ABLIM1: variants seen among roughly 807,000 people sequenced by gnomAD.
ABLIM1 encodes the protein actin-binding LIM protein 1.
In ABLIM1, 40 loss-of-function variants were observed where a neutral mutation model predicts 107.0. The observed-to-expected ratio is 0.37, with a 90% CI of 0.29 to 0.49. The LOEUF is 0.49. Ranked by LOEUF, ABLIM1 falls within the 20% of genes least tolerant of loss-of-function variation. The pLI is 0.97. For synonymous variants in ABLIM1, 357 were observed against 357.3 expected (o/e 1.00, Z 0.01); for missense variants, 857 against 1,008.5 (o/e 0.85, Z 2.04).
intron 1 of ABLIM1, among the ~76,000 whole-genome samples, chr10:114,757,985 T>C (rs1198907763): frequency 1.3e-5 from 2 of 151,968 alleles, no homozygotes; most frequent in Non-Finnish European, 2.9e-5. Flanking sequence ...TTGGAATTGC[T>C]CATCTCACTG....
intron 1 of ABLIM1, among the ~76,000 whole-genome samples, chr10:114,606,857 C>T (rs1591551414): frequency 6.6e-6 from 1 of 152,194 alleles, no homozygotes; most frequent in African/African-American, 2.4e-5. Context: ...TGGCAGTCAC[C>T]TAGTGCAGTG....
At chr10:114,699,160 A>AT (rs1179878173) in intron 1 of ABLIM1, among the ~76,000 whole-genome samples, 1 of 151,624 alleles carries the variant, frequency 6.6e-6, no homozygotes, top group Non-Finnish European at 1.5e-5. Flanking sequence ...AAAAATCTGT[A>AT]TAAAAAACCA....
At chr10:114,466,638 A>C (rs1336731912) in intron 11 of ABLIM1, among the ~76,000 whole-genome samples, 1 of 152,188 alleles carries the variant, frequency 6.6e-6, no homozygotes, top group African/African-American at 2.4e-5. Context: ...TGTACTGTCT[A>C]CGACATTGAT....
Position 114,487,952 on chromosome 10 carries a change from C to A in ABLIM1, c.1041+6G>T, listed in dbSNP as rs1297936878. 4 of 1,614,096 alleles carry A rather than the reference C, an allele frequency of 2.5e-6. No individual in the cohort carries two copies. The highest frequency in any genetic ancestry group is 3.4e-6 in the Non-Finnish European group (4 of 1,179,984). ...AGCTGGCATCATGTTTTAATTGTGT[C>A]CTTACCCGCAGCTTTTCCTCGGTCT... On this transcript the variant is annotated splice_donor_region_variant and intron_variant, in intron 8 of 22. Transcript: ENST00000533213.
chr10:114,580,120 C>T (rs1361920857), intron 2 of ABLIM1, among the ~76,000 whole-genome samples: 1 of 151,468 alleles, frequency 6.6e-6, no homozygotes, highest in Non-Finnish European at 1.5e-5. Flanking sequence ...ATCAGTTTTA[C>T]ATCTAGCCCA....
At chr10:114,653,017 G>A (rs991558222) in intron 1 of ABLIM1, among the ~76,000 whole-genome samples, 9 of 152,120 alleles carry the variant, frequency 5.9e-5, no homozygotes, top group Admixed American at 2.0e-4. Flanking sequence ...AGTGTTCAGC[G>A]TACCTCATGA....
intron 1 of ABLIM1, among the ~76,000 whole-genome samples, chr10:114,666,855 A>C (rs10885593): frequency 0.087 from 13,200 of 152,212 alleles, 1,357 homozygotes; most frequent in East Asian, 0.57. Flanking sequence ...TATAAAGTAA[A>C]TTATATCTTA....
intron 10 of ABLIM1, 88 bp from the exon 11 acceptor site, chr10:114,468,304 T>A: frequency 7.8e-7 from 1 of 1,280,830 alleles, no homozygotes; most frequent in Non-Finnish European, 1.1e-6. Context: ...AGATGGAGTC[T>A]CGCTCTGTCG....
At chr10:114,489,958 T>C (rs1379416964) in intron 7 of ABLIM1, among the ~76,000 whole-genome samples, 1 of 152,144 alleles carries the variant, frequency 6.6e-6, no homozygotes, top group Non-Finnish European at 1.5e-5. Context: ...TGAAACCTTC[T>C]CTCTCCAGCC....
rs150067191 is a variant in ABLIM1, at chr10:114,757,242, T to A, written c.-213+10819A>T. Among the ~76,000 whole-genome samples, 32 of 152,308 alleles carry A rather than the reference T, an allele frequency of 2.1e-4. No individual in the cohort carries two copies. In the East Asian group the frequency reaches 6.0e-3, roughly 28 times the overall value. ...GCAGCTGAATGTAAAGAGGCAGCAT[T>A]GTAACAGTAAATAGAGCATCCTCTG... On this transcript the variant is annotated intron_variant, in intron 1 of 15. Coordinates refer to the ABLIM1 transcript ENST00000651092.
intron 22 of ABLIM1, 84 bp from the exon 23 acceptor site, chr10:114,436,457 C>T (rs1022979183): frequency 2.0e-6 from 2 of 997,716 alleles, no homozygotes; most frequent in Non-Finnish European, 1.5e-6. Flanking sequence ...ATAGTTTATA[C>T]AGAGTCATTC....
At chr10:114,550,116 G>A (rs1473650933) in intron 4 of ABLIM1, among the ~76,000 whole-genome samples, 2 of 152,040 alleles carry the variant, frequency 1.3e-5, no homozygotes, top group African/African-American at 2.4e-5. Flanking sequence ...ATTTCTTAAT[G>A]TATGGCCCAT....
chr10:114,659,344 GAA>G (rs76428176), upstream of ABLIM1, among the ~76,000 whole-genome samples: 2 of 130,558 alleles, frequency 1.5e-5, no homozygotes, highest in Middle Eastern at 4.1e-3. Context: ...TGTCTCTACA[GAA>G]AAAAAAAAAA....
intron 1 of ABLIM1, among the ~76,000 whole-genome samples, chr10:114,740,429 T>C (rs1351793957): frequency 2.0e-5 from 3 of 151,826 alleles, no homozygotes; most frequent in African/African-American, 7.3e-5. Context: ...CTTGGGACTG[T>C]GTAGGGGACT....
At chr10:114,544,044 C>A (rs78195502) in intron 6 of ABLIM1, among the ~76,000 whole-genome samples, 2,392 of 152,334 alleles carry the variant, frequency 0.016, 80 homozygotes, top group African/African-American at 0.055. Flanking sequence ...AGAGACAGCA[C>A]AGCCCAGAAA....
intron 4 of ABLIM1, among the ~76,000 whole-genome samples, chr10:114,552,786 G>A (rs899116676): frequency 3.3e-5 from 5 of 152,162 alleles, no homozygotes; most frequent in Admixed American, 6.5e-5. Context: ...AAGGGGACAC[G>A]TTGCTTTCAG....
At chr10:114,594,332 T>G (rs974903824) in intron 2 of ABLIM1, among the ~76,000 whole-genome samples, 1 of 152,240 alleles carries the variant, frequency 6.6e-6, no homozygotes, top group Admixed American at 6.5e-5. Context: ...CTCAGTCATC[T>G]GTGATAGATA....
intron 1 of ABLIM1, among the ~76,000 whole-genome samples, chr10:114,697,448 G>A (rs1380813167): frequency 6.6e-6 from 1 of 152,230 alleles, no homozygotes; most frequent in Non-Finnish European, 1.5e-5. Context: ...AGTAGGGGCT[G>A]GGGACCAGAG....
intron 14 of ABLIM1, among the ~76,000 whole-genome samples, chr10:114,450,436 T>C (rs970087581): frequency 4.5e-5 from 4 of 88,894 alleles, no homozygotes; most frequent in South Asian, 3.3e-4. Flanking sequence ...TCTTTCTTTC[T>C]TTTTTTTTTT....
Sources: gnomAD v4.1 joint callset for allele counts (sites outside exome capture counted in the v4.1 genomes callset) on GRCh38, gnomAD v4.1.1 for gene constraint, MANE v1.5 for transcripts, NCBI Gene and HGNC (gene_info 2026-07-23, HGNC 2026-07-21) for gene names.